PTK7: variants seen among roughly 807,000 people sequenced by gnomAD.
PTK7 encodes inactive tyrosine-protein kinase 7.
In PTK7, 39 loss-of-function variants were observed where a neutral mutation model predicts 116.6. That is an observed-to-expected ratio of 0.33 (90% CI 0.26 to 0.44). The LOEUF (loss-of-function observed/expected upper bound fraction) is 0.44, where lower values mean the gene tolerates loss of function less well. Ranked by LOEUF, PTK7 falls within the 20% of genes least tolerant of loss-of-function variation. The pLI, the probability that PTK7 is intolerant of heterozygous loss-of-function variation, is 1.00. For missense variants in PTK7, 1,169 were observed against 1,425.6 expected, an observed-to-expected ratio of 0.82 and a Z score of 2.90; for synonymous variants, 546 against 563.6, an observed-to-expected ratio of 0.97 and a Z score of 0.44.
At chr6:43,157,326 CTATATATATATATATATA>C (rs376896300) in intron 17 of PTK7, among the ~76,000 whole-genome samples, 8 of 22,010 alleles carry the variant, frequency 3.6e-4, no homozygotes, top group Middle Eastern at 0.038. Context: ...GACACACACG[CTATATATATATATATATA>C]TATATATATA....
chr6:43,101,140 G>A (rs896570756), intron 1 of PTK7, among the ~76,000 whole-genome samples: 2 of 152,138 alleles, frequency 1.3e-5, no homozygotes, highest in East Asian at 3.9e-4. Context: ...GCTTGAACCC[G>A]GGAGGCGGAG....
At chr6:43,109,720 A>T (rs1205379098) in intron 1 of PTK7, among the ~76,000 whole-genome samples, 1 of 145,758 alleles carries the variant, frequency 6.9e-6, no homozygotes. Flanking sequence ...TTTTTTTGAG[A>T]CAGAGTCTTG....
intron 1 of PTK7, among the ~76,000 whole-genome samples, chr6:43,095,731 T>G (rs1767215630): frequency 1.3e-5 from 2 of 152,208 alleles, no homozygotes; most frequent in Admixed American, 1.3e-4. Context: ...TTCTTCCTGA[T>G]TGTTTTAAGA....
chr6:43,118,651 CTCTCTCTCTATATA>C (rs1470444252), intron 1 of PTK7, among the ~76,000 whole-genome samples: 113 of 82,672 alleles, frequency 1.4e-3, no homozygotes, highest in Admixed American at 5.2e-3. Flanking sequence ...CTCTCTCTCT[CTCTCTCTCTATATA>C]TATATATATA....
intron 1 of PTK7, among the ~76,000 whole-genome samples, chr6:43,100,319 C>G (rs1409212033): frequency 6.6e-6 from 1 of 151,040 alleles, no homozygotes; most frequent in Non-Finnish European, 1.5e-5. Flanking sequence ...GGAGGCGGAG[C>G]CTGCAGTGAG....
intron 1 of PTK7, among the ~76,000 whole-genome samples, chr6:43,102,445 C>T (rs922053876): frequency 2.6e-5 from 4 of 151,546 alleles, no homozygotes; most frequent in Non-Finnish European, 4.4e-5. Context: ...AAAAATTAGC[C>T]GGTTGTGTTG....
chr6:43,121,312 G>A (rs188919933), intron 1 of PTK7, among the ~76,000 whole-genome samples: 4 of 152,308 alleles, frequency 2.6e-5, no homozygotes, highest in Admixed American at 2.0e-4. Flanking sequence ...GGTTTTCACC[G>A]GAGATGTAAG....
intron 17 of PTK7, among the ~76,000 whole-genome samples, chr6:43,157,603 A>C (rs1342168876): frequency 6.6e-6 from 1 of 151,858 alleles, no homozygotes; most frequent in Non-Finnish European, 1.5e-5. Flanking sequence ...ATCTAAGATC[A>C]GGCATGGTGC....
intron 7 of PTK7, among the ~76,000 whole-genome samples, chr6:43,134,170 CTGGGT>C (rs1156907109): frequency 4.6e-5 from 7 of 152,132 alleles, no homozygotes; most frequent in African/African-American, 1.4e-4. Context: ...TCCCAAGTAG[CTGGGT>C]TTAAAGGTGT....
intron 1 of PTK7, among the ~76,000 whole-genome samples, chr6:43,118,657 C>A (rs867149064): frequency 0.012 from 727 of 60,738 alleles, 3 homozygotes; most frequent in African/African-American, 0.029. Flanking sequence ...CTCTCTCTCT[C>A]TCTATATATA....
At chr6:43,077,130 G>A in intron 1 of PTK7, 1 of 972,836 alleles carries the variant, frequency 1.0e-6, no homozygotes. Context: ...TGGCCCTGCG[G>A]GTGAGGGCGG....
chr6:43,079,495 C>T (rs1255207471), intron 1 of PTK7, among the ~76,000 whole-genome samples: 7 of 139,516 alleles, frequency 5.0e-5, no homozygotes, highest in East Asian at 2.2e-4. Context: ...AGCGAGACTC[C>T]GTCTCAAAAA....
Position 43,076,763 on chromosome 6 carries a change from G to A in PTK7, c.79+196G>A. On this transcript the variant is annotated intron_variant, in intron 1 of 19. Coordinates refer to ENST00000230419, the MANE Select transcript of PTK7 (RefSeq NM_002821.5). The surrounding 1 kb of genome is among the most constrained non-coding windows in gnomAD (Gnocchi z 5.7). ...GGAGGCTGGCGAAGCCTCCAGGGAC[G>A]CGGTCAGGGTACCCCTCCCACTCGC... is the stretch of plus-strand genomic sequence containing the variant. 7.2e-7 allele frequency: 1 copy of A among 1,395,942 alleles called. No individual in the cohort carries two copies. Among genetic ancestry groups the A allele is most frequent in the South Asian group, 1.6e-5 (1 of 63,284 alleles). The allele number at this position is 1,395,942 out of a possible 1,614,324, so 86.5% of individuals were successfully genotyped here. A position where few individuals can be genotyped will look rare whatever the true frequency, so the allele number is the denominator to read the frequency against.
chr6:43,145,530 C>T lies in PTK7; in HGVS notation c.2640+98C>T, dbSNP rs558502311. ...TTGGAGCACCGTGAAAACCTTGTCT[C>T]GTGCAGTCTCAGCCGAGACCTCACC... On this transcript the variant is annotated intron_variant, in intron 16 of 19. Coordinates refer to ENST00000230419, the MANE Select transcript of PTK7 (RefSeq NM_002821.5). This position sits in a 1 kb window ranked among gnomAD's most constrained non-coding sequence, Gnocchi z 4.8. The T allele has an allele frequency of 4.3e-5, 44 of 1,029,458 alleles. 1 individual carries two copies. The South Asian group carries it at 8.1e-4, about 19-fold the overall frequency. The allele number at this position is 1,029,458 out of a possible 1,614,324, so 63.8% of individuals were successfully genotyped here. A position where few individuals can be genotyped will look rare whatever the true frequency, so the allele number is the denominator to read the frequency against.
chr6:43,121,816 T>C (rs550725079), intron 1 of PTK7, among the ~76,000 whole-genome samples: 2 of 152,294 alleles, frequency 1.3e-5, no homozygotes, highest in East Asian at 3.9e-4. Context: ...AATGAGTTAT[T>C]CCTGTAGTGA....
At chr6:43,146,298 A>T in intron 16 of PTK7, 1 of 211,088 alleles carries the variant, frequency 4.7e-6, no homozygotes, top group Non-Finnish European at 9.5e-6. Context: ...GGAATCTTTG[A>T]GGGCAGAGGG....
At chr6:43,118,653 CTCTCTCTATATATATA>C (rs771181175) in intron 1 of PTK7, among the ~76,000 whole-genome samples, 566 of 79,346 alleles carry the variant, frequency 7.1e-3, no homozygotes, top group Non-Finnish European at 8.9e-3. Context: ...CTCTCTCTCT[CTCTCTCTATATATATA>C]TATATATATA....
At chr6:43,160,056 C>T (rs1771757261) in intron 19 of PTK7, 90 bp downstream of exon 19, 1 of 1,350,678 alleles carries the variant, frequency 7.4e-7, no homozygotes, top group Non-Finnish European at 1.0e-6. Flanking sequence ...CTACCTCCCT[C>T]TCAGGGCTGC....
At chr6:43,137,951 T>G (rs184260714) in intron 7 of PTK7, among the ~76,000 whole-genome samples, 24 of 152,062 alleles carry the variant, frequency 1.6e-4, no homozygotes, top group Non-Finnish European at 2.6e-4. Context: ...GGATTACAGG[T>G]GCCCGCCACC....
Sources: gnomAD v4.1 joint callset for allele counts (sites outside exome capture counted in the v4.1 genomes callset) on GRCh38, gnomAD v4.1.1 for gene constraint, Gnocchi (gnomAD v3.1) non-coding constraint, MANE v1.5 for transcripts, NCBI Gene and HGNC (gene_info 2026-07-23, HGNC 2026-07-21) for gene names.